Variants in LMO7 observed in about 807,000 individuals in gnomAD.
The protein encoded by LMO7 is LIM domain only protein 7.
In LMO7, 120 loss-of-function variants were observed where a neutral mutation model predicts 206.5. The observed-to-expected ratio is 0.58, with a 90% CI of 0.50 to 0.68. The LOEUF is 0.68. LMO7 is among the 30% of genes least tolerant of loss of function. LMO7 has a pLI of 0.00. For missense variants in LMO7, 1,959 were observed against 1,957.9 expected, an observed-to-expected ratio of 1.00 and a Z score of -0.01; for synonymous variants, 706 against 681.5, an observed-to-expected ratio of 1.04 and a Z score of -0.56.
intron 3 of LMO7, among the ~76,000 whole-genome samples, chr13:75,738,407 G>A (rs146022467): frequency 6.1e-4 from 93 of 152,352 alleles, no homozygotes; most frequent in Admixed American, 2.2e-3. Flanking sequence ...TGTTAAGATG[G>A]TTTGGAAATA....
intron 11 of LMO7, among the ~76,000 whole-genome samples, chr13:75,815,628 T>C (rs939393828): frequency 6.6e-5 from 10 of 152,214 alleles, no homozygotes; most frequent in African/African-American, 2.4e-4. Context: ...TGTATACTGG[T>C]AAAGGGCTTT....
At chr13:75,651,419 C>T (rs2037546609) in intron 1 of LMO7, among the ~76,000 whole-genome samples, 1 of 151,830 alleles carries the variant, frequency 6.6e-6, no homozygotes, top group South Asian at 2.1e-4. Context: ...AAGTGATTCT[C>T]CTGCCTCAGC....
At chr13:75,853,830 C>T (rs905780854) in intron 28 of LMO7, among the ~76,000 whole-genome samples, 11 of 152,166 alleles carry the variant, frequency 7.2e-5, no homozygotes, top group African/African-American at 1.2e-4. Flanking sequence ...AAAAGAAGAG[C>T]GTTACAATGC....
chr13:75,637,873 G>A (rs1317604701), intron 1 of LMO7, among the ~76,000 whole-genome samples: 1 of 152,182 alleles, frequency 6.6e-6, no homozygotes, highest in East Asian at 1.9e-4. Flanking sequence ...AGCTTTTAGT[G>A]TCTTTTTAGA....
Position 75,636,720 on chromosome 13 carries a change from G to T in LMO7, c.63G>T (p.Trp21Cys), listed in dbSNP as rs780903939. ...CSVAFAEAQR[W>C]VEAVTEKNFE... The stretch of plus-strand genomic sequence containing the variant: ...TGGCGTTCGCTGAGGCTCAGAGATG[G>T]GTGGAGGTGAGTGCCTTTCACTGCT... The change falls in exon 1 of 31, where the codon TGG becomes TGT. Residue 21 changes from tryptophan (W) to cysteine (C), a missense_variant. By Grantham distance (215) the Trp-to-Cys change is radical (BLOSUM62 -2). Coordinates refer to ENST00000377534, the MANE Select transcript of LMO7 (RefSeq NM_001306080.2). 1.0e-5 allele frequency: 16 copies of T among 1,607,712 alleles called. No individual in the cohort carries two copies. The highest frequency in any genetic ancestry group is 1.7e-4 in the Middle Eastern group (1 of 6,056).
chr13:75,737,249 A>G (rs1255750367), intron 3 of LMO7, among the ~76,000 whole-genome samples: 1 of 152,098 alleles, frequency 6.6e-6, no homozygotes, highest in Non-Finnish European at 1.5e-5. Flanking sequence ...AAGCCAGAGA[A>G]CACCTGCGAT....
chr13:75,725,404 C>T (rs1202306041), intron 2 of LMO7, among the ~76,000 whole-genome samples: 1 of 152,082 alleles, frequency 6.6e-6, no homozygotes, highest in East Asian at 1.9e-4. Context: ...TGAGCTAGTG[C>T]TCACAAACTG....
At chr13:75,687,361 C>T (rs1341795744) in intron 1 of LMO7, among the ~76,000 whole-genome samples, 3 of 152,032 alleles carry the variant, frequency 2.0e-5, no homozygotes, top group African/African-American at 7.2e-5. Flanking sequence ...TACAATGTGG[C>T]CACCAGAGGG....
At chr13:75,754,524 G>C (rs954475069) in intron 3 of LMO7, among the ~76,000 whole-genome samples, 1 of 152,122 alleles carries the variant, frequency 6.6e-6, no homozygotes, top group Admixed American at 6.6e-5. Context: ...ATATATACCT[G>C]GGGGAAGGCA....
rs1273748810 is a variant in LMO7, at chr13:75,760,915, T to C, written c.211-17T>C. The C allele has an allele frequency of 6.2e-7, 1 of 1,612,792 alleles. No individual in the cohort carries two copies. The highest frequency in any genetic ancestry group is 1.3e-5 in the African/African-American group (1 of 74,948). The stretch of plus-strand genomic sequence containing the variant: ...AGAGAGCTCAGCTAAGCAATCACTT[T>C]CCACTTCTTTTCACAGGATAATATA... On this transcript the variant is annotated splice_polypyrimidine_tract_variant and intron_variant, in intron 3 of 30. Transcript: ENST00000377534.
chr13:75,799,406 G>T (rs747463924), intron 6 of LMO7, among the ~76,000 whole-genome samples: 9 of 152,094 alleles, frequency 5.9e-5, no homozygotes, highest in Non-Finnish European at 1.3e-4. Flanking sequence ...ATCCATCTAT[G>T]TTTTTACTTA....
At chr13:75,754,597 AT>A (rs1439992622) in intron 3 of LMO7, among the ~76,000 whole-genome samples, 1 of 152,226 alleles carries the variant, frequency 6.6e-6, no homozygotes, top group Non-Finnish European at 1.5e-5. Flanking sequence ...AATAATTAAA[AT>A]AACAAAATAA....
At chr13:75,637,585 G>A (rs2036075854) in intron 1 of LMO7, among the ~76,000 whole-genome samples, 1 of 152,182 alleles carries the variant, frequency 6.6e-6, no homozygotes, top group South Asian at 2.1e-4. Flanking sequence ...AAATTGAGGC[G>A]TGCACAAGCC....
chr13:75,698,407 A>T (rs946219905), intron 1 of LMO7, among the ~76,000 whole-genome samples: 1 of 152,056 alleles, frequency 6.6e-6, no homozygotes, highest in Non-Finnish European at 1.5e-5. Context: ...GATTCAAGGA[A>T]TCCTCCTGAG....
intron 4 of LMO7, among the ~76,000 whole-genome samples, chr13:75,780,350 CT>C (rs1419260704): frequency 2.6e-5 from 4 of 152,182 alleles, no homozygotes; most frequent in Admixed American, 2.0e-4. Flanking sequence ...AGGCCTCCCC[CT>C]GGGAGTGCAT....
chr13:75,771,373 T>C (rs1438826322), intron 4 of LMO7, among the ~76,000 whole-genome samples: 1 of 152,122 alleles, frequency 6.6e-6, no homozygotes. Context: ...TTATAGGTTT[T>C]ATGACTTTCA....
At chr13:75,764,258 C>T (rs1456759397) in intron 4 of LMO7, among the ~76,000 whole-genome samples, 2 of 152,082 alleles carry the variant, frequency 1.3e-5, no homozygotes, top group Non-Finnish European at 2.9e-5. Flanking sequence ...CGATCTGAGG[C>T]CATGAAATCA....
intron 1 of LMO7, among the ~76,000 whole-genome samples, chr13:75,680,333 A>T (rs2040369375): frequency 6.6e-6 from 1 of 152,186 alleles, no homozygotes; most frequent in Non-Finnish European, 1.5e-5. Flanking sequence ...TGTCTTTGCT[A>T]TTGTAAACAG....
Position 75,849,234 on chromosome 13 carries a change from C to T in LMO7, c.4306C>T (p.Arg1436Ter), listed in dbSNP as rs1391756760. The change falls in exon 27 of 31, where the codon CGA (arginine) becomes TGA (stop). Residue 1436 changes from arginine (R) to a stop codon, truncating the protein, a stop_gained. Transcript: ENST00000377534. LOFTEE classifies it high-confidence loss of function. ...CCTTCACAATGACAACAGCTGGATCCGACAGCGCAGTGCCAGTGTCAACAA... is the reference window on the plus strand; with the variant it reads ...CCTTCACAATGACAACAGCTGGATCTGACAGCGCAGTGCCAGTGTCAACAA... ...TPLHNDNSWIRQRSASVNKEP... is the reference protein window; with the variant it reads ...TPLHNDNSWI 6.2e-6 allele frequency: 10 copies of T among 1,613,950 alleles called. No homozygotes were observed. The highest frequency in any genetic ancestry group is 2.2e-5 in the East Asian group (1 of 44,864).
Sources: allele counts gnomAD v4.1 joint callset (sites outside exome capture counted in the v4.1 genomes callset), GRCh38; gene constraint gnomAD v4.1.1; transcripts MANE v1.5; gene names NCBI Gene and HGNC (gene_info 2026-07-23, HGNC 2026-07-21).